The following LCLAT1 variants were observed in gnomAD, a reference collection of about 807,000 sequenced individuals.
LCLAT1 encodes the protein lysocardiolipin acyltransferase 1.
In LCLAT1, 11 loss-of-function variants were observed where a neutral mutation model predicts 30.7. The observed-to-expected ratio is 0.36, with a 90% CI of 0.23 to 0.59. The LOEUF is 0.59. LCLAT1 is among the 20% of genes least tolerant of loss of function. The probability of loss-of-function intolerance (pLI) is 0.77; values close to 1 mark genes in which losing one functional copy is unlikely to be tolerated. For missense variants in LCLAT1, 402 were observed against 458.6 expected, an observed-to-expected ratio of 0.88 and a Z score of 1.13; for synonymous variants, 155 against 151.3, an observed-to-expected ratio of 1.02 and a Z score of -0.18.
intron 5 of LCLAT1, among the ~76,000 whole-genome samples, chr2:30,620,970 T>C (rs1478439637): frequency 6.6e-6 from 1 of 152,176 alleles, no homozygotes; most frequent in African/African-American, 2.4e-5. Flanking sequence ...TTTCTATATG[T>C]AAAGGCTTTT....
chr2:30,621,237 AC>A (rs1378562682), intron 5 of LCLAT1, among the ~76,000 whole-genome samples: 1 of 152,208 alleles, frequency 6.6e-6, no homozygotes, highest in African/African-American at 2.4e-5. Flanking sequence ...ACAAAAAGTT[AC>A]TACTACAATG....
chr2:30,553,433 A>G (rs994006144), intron 3 of LCLAT1, among the ~76,000 whole-genome samples: 1 of 152,232 alleles, frequency 6.6e-6, no homozygotes, highest in African/African-American at 2.4e-5. Context: ...CAGTATATAT[A>G]GATTCTATCT....
At chr2:30,602,020 A>G (rs1667212228) in intron 5 of LCLAT1, among the ~76,000 whole-genome samples, 1 of 152,014 alleles carries the variant, frequency 6.6e-6, no homozygotes, top group Non-Finnish European at 1.5e-5. Flanking sequence ...TGATGAGGGG[A>G]AGAGGCATTT....
At chr2:30,530,136 A>G (rs17322932) in intron 2 of LCLAT1, among the ~76,000 whole-genome samples, 2,469 of 152,330 alleles carry the variant, frequency 0.016, 61 homozygotes, top group Admixed American at 0.073. Context: ...ATTAGGTAAA[A>G]ATTATCAGAA....
Position 30,521,489 on chromosome 2 carries a change from C to CTTTTT in LCLAT1, c.-4-4096_-4-4095insTTTTT, listed in dbSNP as rs1262784785. On this transcript the variant is annotated intron_variant, in intron 1 of 5. Coordinates refer to ENST00000379509, the MANE Select transcript of LCLAT1 (RefSeq NM_001002257.3). ...GTTTCCTCAACCCCCTAAACTACTTCTTCTTTTTTTTTTTTTTTTTTTTTT... is the reference window on the plus strand; with the variant it reads ...GTTTCCTCAACCCCCTAAACTACTTCTTTTTTTCTTTTTTTTTTTTTTTTTTTTTT... Among the ~76,000 whole-genome samples the CTTTTT allele has an allele frequency of 2.2e-3, 122 of 55,534 alleles. 8 individuals are homozygous for CTTTTT. The highest frequency in any genetic ancestry group is 2.6e-3 in the Non-Finnish European group (81 of 31,252). 36.4% of individuals were successfully genotyped at this position (55,534 alleles called of 152,430 possible).
intron 5 of LCLAT1, among the ~76,000 whole-genome samples, chr2:30,608,261 C>T (rs1235758557): frequency 6.7e-6 from 1 of 150,082 alleles, no homozygotes; most frequent in African/African-American, 2.5e-5. Flanking sequence ...GCGGATGTTG[C>T]TTGCACTCCA....
intron 5 of LCLAT1, among the ~76,000 whole-genome samples, chr2:30,616,774 C>A (rs548106254): frequency 6.6e-6 from 1 of 151,328 alleles, no homozygotes; most frequent in Non-Finnish European, 1.5e-5. Context: ...AAAAGCTTGT[C>A]GGATATGTTA....
intron 2 of LCLAT1, among the ~76,000 whole-genome samples, chr2:30,529,664 AC>A (rs1685894544): frequency 6.6e-6 from 1 of 152,146 alleles, no homozygotes; most frequent in African/African-American, 2.4e-5. Flanking sequence ...CTAACTGTCT[AC>A]CCAGGGCACA....
intron 5 of LCLAT1, among the ~76,000 whole-genome samples, chr2:30,620,784 C>T (rs1046666161): frequency 1.3e-5 from 2 of 152,212 alleles, no homozygotes; most frequent in South Asian, 4.1e-4. Context: ...ATAAAAAATT[C>T]GTTTTCTTAT....
chr2:30,525,570 T>C lies in LCLAT1; in HGVS notation c.-4-17T>C. ...AAATGTATAGTAACAAAATATATCC[T>C]TTTTTATATCTTTCAGAATCATGGT... On this transcript the variant is annotated splice_polypyrimidine_tract_variant and intron_variant, in intron 1 of 5. Coordinates refer to ENST00000379509, the MANE Select transcript of LCLAT1 (RefSeq NM_001002257.3). The C allele has an allele frequency of 6.3e-7, 1 of 1,597,986 alleles. No homozygotes were observed. Among genetic ancestry groups the C allele is most frequent in the Non-Finnish European group, 8.6e-7 (1 of 1,166,202 alleles).
intron 1 of LCLAT1, among the ~76,000 whole-genome samples, chr2:30,517,706 AAG>A (rs1176188656): frequency 2.0e-5 from 3 of 152,226 alleles, no homozygotes; most frequent in African/African-American, 4.8e-5. Context: ...GGAAGGGAGA[AAG>A]AGAGGGGAAA....
intron 3 of LCLAT1, chr2:30,552,633 A>C: frequency 2.9e-6 from 1 of 348,316 alleles, no homozygotes; most frequent in Non-Finnish European, 6.0e-6. Flanking sequence ...TGTGGAGAGC[A>C]TTACCCAGTT....
chr2:30,541,205 T>A (rs1316995143), intron 3 of LCLAT1, among the ~76,000 whole-genome samples: 1 of 152,164 alleles, frequency 6.6e-6, no homozygotes, highest in South Asian at 2.1e-4. Context: ...TATAGCAAAC[T>A]TAGCTTTTCC....
chr2:30,509,384 G>T (rs1684827341), intron 1 of LCLAT1, among the ~76,000 whole-genome samples: 1 of 152,136 alleles, frequency 6.6e-6, no homozygotes, highest in East Asian at 1.9e-4. Context: ...CATTCAGTAT[G>T]ATATTGGCTG....
chr2:30,565,079 A>G (rs1386773951), intron 4 of LCLAT1, among the ~76,000 whole-genome samples: 3 of 152,144 alleles, frequency 2.0e-5, no homozygotes, highest in Non-Finnish European at 4.4e-5. Context: ...TTCTTGGGTT[A>G]GGGAGTTCTA....
chr2:30,474,297 T>C (rs1682943434), intron 1 of LCLAT1, among the ~76,000 whole-genome samples: 1 of 152,206 alleles, frequency 6.6e-6, no homozygotes, highest in African/African-American at 2.4e-5. Flanking sequence ...GTCTATACAG[T>C]GTTGTAAAAT....
At chr2:30,524,734 G>A (rs1685626807) in intron 1 of LCLAT1, among the ~76,000 whole-genome samples, 1 of 140,652 alleles carries the variant, frequency 7.1e-6, no homozygotes, top group Non-Finnish European at 1.6e-5. Flanking sequence ...TTGTGTTCAA[G>A]GAACCTTTAT....
At chr2:30,449,714 A>G (rs1662946) in intron 1 of LCLAT1, among the ~76,000 whole-genome samples, 133,314 of 152,102 alleles carry the variant, frequency 0.88, 58,806 homozygotes, top group African/African-American at 0.96. Context: ...TGGTCAGGCT[A>G]GTCTTGAGCT....
At chr2:30,504,081 C>T (rs967900728) in intron 1 of LCLAT1, among the ~76,000 whole-genome samples, 4 of 150,794 alleles carry the variant, frequency 2.7e-5, no homozygotes, top group Non-Finnish European at 4.4e-5. Context: ...AAGGGACTTA[C>T]GTGTGTGTGT....
Sources: allele counts gnomAD v4.1 joint callset (sites outside exome capture counted in the v4.1 genomes callset), GRCh38; gene constraint gnomAD v4.1.1; transcripts MANE v1.5; gene names NCBI Gene and HGNC (gene_info 2026-07-23, HGNC 2026-07-21).